Variants in FAM135B observed in about 807,000 individuals in gnomAD.
FAM135B encodes the protein family with sequence similarity 135 member B, also known as protein FAM135B.
In FAM135B, 43 loss-of-function variants were observed where a neutral mutation model predicts 127.7. The observed-to-expected ratio is 0.34, with a 90% CI of 0.26 to 0.43. FAM135B has a LOEUF of 0.43. FAM135B is among the 20% of genes least tolerant of loss of function. The pLI, the probability that FAM135B is intolerant of heterozygous loss-of-function variation, is 1.00. For synonymous variants in FAM135B, 670 were observed against 665.1 expected (o/e 1.01, Z -0.11); for missense variants, 1,558 against 1,725.6 (o/e 0.90, Z 1.72).
At chr8:138,233,538 C>T (rs575222293) in intron 7 of FAM135B, among the ~76,000 whole-genome samples, 3 of 152,258 alleles carry the variant, frequency 2.0e-5, no homozygotes, top group Admixed American at 6.5e-5. Context: ...AACACTTAAA[C>T]GTCAGACCCA....
At chr8:138,495,774 G>C (rs1197822925) in intron 1 of FAM135B, among the ~76,000 whole-genome samples, 1 of 152,226 alleles carries the variant, frequency 6.6e-6, no homozygotes, top group Non-Finnish European at 1.5e-5. Context: ...TGTATGGACA[G>C]CCCAGGTGCC....
intron 1 of FAM135B, among the ~76,000 whole-genome samples, chr8:138,368,994 GA>G (rs1371106396): frequency 2.0e-5 from 3 of 152,090 alleles, no homozygotes; most frequent in Non-Finnish European, 4.4e-5. Flanking sequence ...TTGCATGCAA[GA>G]AAAAAGGACC....
At chr8:138,257,878 TAAAAAATAA>T (rs1822213400) in intron 4 of FAM135B, among the ~76,000 whole-genome samples, 1 of 78,350 alleles carries the variant, frequency 1.3e-5, no homozygotes, top group African/African-American at 6.2e-5. Context: ...CTACAAAAAA[TAAAAAATAA>T]AAAAAAAAAT....
chr8:138,459,618 C>T (rs984845034), intron 1 of FAM135B: 6 of 152,228 alleles, frequency 3.9e-5, no homozygotes, highest in Admixed American at 3.3e-4. Flanking sequence ...TCTGTCTCAT[C>T]CTCTTCAAGG....
chr8:138,443,095 C>G (rs548560527), intron 1 of FAM135B, among the ~76,000 whole-genome samples: 1 of 152,082 alleles, frequency 6.6e-6, no homozygotes, highest in African/African-American at 2.4e-5. Context: ...TATCTCAAGG[C>G]TGTGTGTTTG....
At chr8:138,348,057 T>A (rs1014742974) in intron 2 of FAM135B, among the ~76,000 whole-genome samples, 1 of 151,804 alleles carries the variant, frequency 6.6e-6, no homozygotes, top group Non-Finnish European at 1.5e-5. Flanking sequence ...GAGGTCCTCA[T>A]GTTCCAAGGA....
chr8:138,136,658 G>A (rs945203581), intron 19 of FAM135B, among the ~76,000 whole-genome samples: 15 of 152,096 alleles, frequency 9.9e-5, no homozygotes, highest in Admixed American at 9.2e-4. Context: ...CATCTTGATT[G>A]TCTGGAAAAT....
chr8:138,202,584 T>C (rs1231864334), intron 7 of FAM135B, among the ~76,000 whole-genome samples: 1 of 152,156 alleles, frequency 6.6e-6, no homozygotes, highest in Admixed American at 6.5e-5. Flanking sequence ...ACTACCAATG[T>C]CACCTTGGGG....
rs193143614 is a variant in FAM135B at position 138,153,334 on chromosome 8, G to A, written c.1259-118C>T. On this transcript the variant is annotated intron_variant, in intron 12 of 19. Transcript: ENST00000395297. Reference sequence around the variant, plus strand: ...CTATGTGGACTCGGTTCGAAGATGGGAGAATAGGAAGAGCTCCAGTCTACA... The same window carrying A: ...CTATGTGGACTCGGTTCGAAGATGGAAGAATAGGAAGAGCTCCAGTCTACA... 4.6e-5 allele frequency: 34 copies of A among 739,350 alleles called. No homozygotes were observed. The East Asian group carries it at 8.0e-4, about 17-fold the overall frequency. The allele number at this position is 739,350 out of a possible 1,614,324, so 45.8% of individuals were successfully genotyped here. A position where few individuals can be genotyped will look rare whatever the true frequency, so the allele number is the denominator to read the frequency against.
chr8:138,412,819 C>G (rs1833935844), intron 1 of FAM135B, among the ~76,000 whole-genome samples: 2 of 152,192 alleles, frequency 1.3e-5, no homozygotes, highest in Non-Finnish European at 1.5e-5. Context: ...ACAATACCTA[C>G]AGAGACAGCC....
chr8:138,246,471 G>A (rs961571591), intron 6 of FAM135B, among the ~76,000 whole-genome samples: 1 of 152,148 alleles, frequency 6.6e-6, no homozygotes, highest in African/African-American at 2.4e-5. Context: ...CGGCTTCAGA[G>A]GGTGCGAGCC....
At chr8:138,469,719 G>A (rs1303193099) in intron 1 of FAM135B, among the ~76,000 whole-genome samples, 1 of 152,198 alleles carries the variant, frequency 6.6e-6, no homozygotes, top group Admixed American at 6.5e-5. Context: ...CAACTTCTCT[G>A]AATTGTCATG....
chr8:138,418,497 T>C (rs969947453), intron 1 of FAM135B, among the ~76,000 whole-genome samples: 12 of 151,292 alleles, frequency 7.9e-5, no homozygotes, highest in African/African-American at 2.9e-4. Flanking sequence ...CACATAGTCA[T>C]CAGATTCTCC....
At chr8:138,371,438 T>C (rs962825482) in intron 1 of FAM135B, among the ~76,000 whole-genome samples, 8 of 152,144 alleles carry the variant, frequency 5.3e-5, no homozygotes, top group Admixed American at 2.0e-4. Context: ...CCATGACACA[T>C]ACCCAGCACA....
intron 2 of FAM135B, among the ~76,000 whole-genome samples, chr8:138,337,023 C>T (rs1330502716): frequency 3.3e-5 from 5 of 152,082 alleles, no homozygotes; most frequent in East Asian, 3.9e-4. Context: ...ATTATCTCAA[C>T]AGATGCAGAA....
chr8:138,151,102 C>G (rs917876116), intron 13 of FAM135B, 92 bp downstream of exon 13: 16 of 850,200 alleles, frequency 1.9e-5, no homozygotes, highest in Non-Finnish European at 2.6e-5. Flanking sequence ...TCACAGATAT[C>G]TAAATTTTGA....
intron 6 of FAM135B, among the ~76,000 whole-genome samples, chr8:138,244,062 A>ATT (rs1293841544): frequency 6.6e-6 from 1 of 152,162 alleles, no homozygotes; most frequent in Non-Finnish European, 1.5e-5. Flanking sequence ...TCCTGCTTAA[A>ATT]ATATTGACAG....
intron 3 of FAM135B, chr8:138,309,047 G>A (rs1316727102): frequency 2.3e-6 from 1 of 443,442 alleles, no homozygotes; most frequent in East Asian, 7.0e-5. Flanking sequence ...GAAATAGAAA[G>A]TGTCCTTTTT....
At chr8:138,285,850 G>T (rs993721342) in intron 3 of FAM135B, among the ~76,000 whole-genome samples, 3 of 152,282 alleles carry the variant, frequency 2.0e-5, no homozygotes, top group African/African-American at 4.8e-5. Flanking sequence ...AAAGCAAAAG[G>T]TTCCTAAAAT....
Sources: gnomAD v4.1 joint callset for allele counts (sites outside exome capture counted in the v4.1 genomes callset) on GRCh38, gnomAD v4.1.1 for gene constraint, MANE v1.5 for transcripts, NCBI Gene and HGNC (gene_info 2026-07-23, HGNC 2026-07-21) for gene names.